The following MSI1 variants were observed in gnomAD, a reference collection of about 807,000 sequenced individuals.
The protein encoded by MSI1 is RNA-binding protein Musashi homolog 1.
A neutral mutation model predicts 54.4 loss-of-function variants in MSI1; 15 were observed. The ratio of observed to expected loss-of-function variants is 0.28; its 90% CI spans 0.18 to 0.42. The LOEUF (loss-of-function observed/expected upper bound fraction) is 0.42, where lower values mean the gene tolerates loss of function less well. Among genes scored for constraint, MSI1 ranks in the 20% least tolerant of loss-of-function variants. MSI1 has a pLI of 1.00. For missense variants in MSI1, 304 were observed against 506.0 expected, an observed-to-expected ratio of 0.60 and a Z score of 3.83; for synonymous variants, 200 against 196.5, an observed-to-expected ratio of 1.02 and a Z score of -0.15.
chr12:120,359,728 A>C (rs1847580506), intron 6 of MSI1, among the ~76,000 whole-genome samples: 2 of 151,984 alleles, frequency 1.3e-5, no homozygotes, highest in South Asian at 4.1e-4. Flanking sequence ...ACGGTCACCA[A>C]AGGCCTTGGT....
intron 6 of MSI1, among the ~76,000 whole-genome samples, chr12:120,360,680 G>A (rs1483284303): frequency 6.6e-6 from 1 of 152,180 alleles, no homozygotes; most frequent in Non-Finnish European, 1.5e-5. Flanking sequence ...GGGTAGGACG[G>A]GCCTGAGCTG....
Position 120,342,885 on chromosome 12 carries a change from G to T in MSI1, c.*242C>A, listed in dbSNP as rs1873796442. Reference sequence around the variant, plus strand: ...TCCAAAATAAATAAAAGCAGGGCCGGGAGAGGGGCGGGTGGGGATGGGGGC... The same window carrying T: ...TCCAAAATAAATAAAAGCAGGGCCGTGAGAGGGGCGGGTGGGGATGGGGGC... On this transcript the variant is annotated 3_prime_UTR_variant, in exon 15 of 15. Coordinates refer to ENST00000257552, the MANE Select transcript of MSI1 (RefSeq NM_002442.4). 6.7e-6 allele frequency: 1 copy of T among 149,984 alleles called. No individual in the cohort carries two copies. Among genetic ancestry groups the T allele is most frequent in the Non-Finnish European group, 1.5e-5 (1 of 67,496 alleles). 9.3% of individuals were successfully genotyped at this position (149,984 alleles called of 1,614,324 possible). A position where few individuals can be genotyped will look rare whatever the true frequency, so the allele number is the denominator to read the frequency against.
chr12:120,346,002 G>T lies in MSI1; in HGVS notation c.1047+133C>A, dbSNP rs143993185. ...TGATAACCCCCACAACTCTTCCTTA[G>T]TGATCTTTCTCCATTCATCCTCCCT... On this transcript the variant is annotated intron_variant, in intron 13 of 14. Transcript: ENST00000257552. 8.2e-5 allele frequency: 68 copies of T among 830,450 alleles called. No homozygotes were observed. In the East Asian group the frequency reaches 1.8e-3, roughly 22 times the overall value. The allele number at this position is 830,450 out of a possible 1,614,324, so 51.4% of individuals were successfully genotyped here.
Position 120,346,306 on chromosome 12 carries a change from C to T in MSI1, c.876G>A (p.Thr292=), listed in dbSNP as rs756975620. The stretch of plus-strand genomic sequence containing the variant: ...GAGTCGAACCTGGAGGGGGAGCCAT[C>T]GTCCAGGGGTGAGAGCCTGGCAACC... ...VVRGTGSHPW[T]MAPPPGSTPS... The change falls in exon 13 of 15, where the codon ACG becomes ACA. Residue 292 remains threonine (T), a synonymous_variant. Coordinates refer to ENST00000257552, the MANE Select transcript of MSI1 (RefSeq NM_002442.4). The T allele has an allele frequency of 5.8e-6, 9 of 1,559,824 alleles. No homozygotes were observed. Among genetic ancestry groups the T allele is most frequent in the Admixed American group, 2.0e-5 (1 of 50,358 alleles).
At chr12:120,352,012 T>A (rs1404919090) in intron 10 of MSI1, among the ~76,000 whole-genome samples, 1 of 109,138 alleles carries the variant, frequency 9.2e-6, no homozygotes, top group Non-Finnish European at 1.9e-5. Context: ...CTGGCCCTTT[T>A]TATTTAAAAA....
At position 120,359,790 on chromosome 12, in the gene MSI1, G is replaced by C. The variant is rs1565891422; in HGVS notation, c.403-737C>G. 2.0e-5 allele frequency among the ~76,000 whole-genome samples: 3 copies of C among 152,014 alleles called. No homozygotes were observed. In the East Asian group the frequency reaches 5.8e-4, roughly 29 times the overall value. ...TGCCTCCTCCTTGCCCTCTTTCTTA[G>C]TTAAGGTCTGAGTCACCTTTGGTAT... On this transcript the variant is annotated intron_variant, in intron 6 of 14. Transcript: ENST00000257552.
At chr12:120,345,033 ATAG>A (rs1487348371) in intron 14 of MSI1, among the ~76,000 whole-genome samples, 4 of 151,506 alleles carry the variant, frequency 2.6e-5, no homozygotes, top group Non-Finnish European at 4.4e-5. Context: ...AAATAAAATA[ATAG>A]TAATAATAAT....
In MSI1 at chr12:120,368,817, TC is replaced by T; in HGVS notation, c.100+15del. The stretch of plus-strand genomic sequence containing the variant: ...GGTGCCCTGCCGGACCGGCGGGCGC[TC>T]CCGGGCTCGCTCACCCTGCGTAGTC... On this transcript the variant is annotated intron_variant, in intron 2 of 14. Transcript: ENST00000257552. This position sits in a 1 kb window ranked among gnomAD's most constrained non-coding sequence, Gnocchi z 6.6. 4 of 1,410,892 alleles carry T rather than the reference TC, an allele frequency of 2.8e-6. No homozygotes were observed. The highest frequency in any genetic ancestry group is 2.8e-6 in the Non-Finnish European group (3 of 1,068,462). 87.4% of individuals were successfully genotyped at this position (1,410,892 alleles called of 1,614,324 possible). A position where few individuals can be genotyped will look rare whatever the true frequency, so the allele number is the denominator to read the frequency against.
At chr12:120,351,540 G>T in intron 10 of MSI1, 140 bp from the exon 11 acceptor site, 1 of 695,734 alleles carries the variant, frequency 1.4e-6, no homozygotes, top group Non-Finnish European at 2.4e-6. Context: ...GAGGGGGAGA[G>T]CACAGTTCCC....
chr12:120,359,414 G>A (rs145627777), intron 6 of MSI1, among the ~76,000 whole-genome samples: 169 of 152,258 alleles, frequency 1.1e-3, no homozygotes, highest in Middle Eastern at 0.01. Flanking sequence ...GCTAGAGAAG[G>A]AAATATGGGA....
chr12:120,364,455 A>G (rs563983947), intron 5 of MSI1, among the ~76,000 whole-genome samples: 2 of 152,164 alleles, frequency 1.3e-5, no homozygotes, highest in Admixed American at 1.3e-4. Context: ...AGGACGATGA[A>G]TCCTCTGAGT....
chr12:120,359,093 G>A, intron 6 of MSI1, 40 bp from the exon 7 acceptor site: 2 of 1,551,668 alleles, frequency 1.3e-6, no homozygotes, highest in South Asian at 1.2e-5. Context: ...GCAGATACCA[G>A]CGGAACCCAC....
chr12:120,365,030 C>A (rs1875927762), intron 4 of MSI1, among the ~76,000 whole-genome samples: 1 of 152,212 alleles, frequency 6.6e-6, no homozygotes, highest in Non-Finnish European at 1.5e-5. Flanking sequence ...CCTGCCTCAG[C>A]CTCCCTAGTA....
At chr12:120,345,524 G>C in intron 14 of MSI1, 46 bp downstream of exon 14, 1 of 1,575,520 alleles carries the variant, frequency 6.3e-7, no homozygotes, top group Non-Finnish European at 8.7e-7. Flanking sequence ...CCCAGGACAG[G>C]CTTCCCCAGT....
At chr12:120,344,851 A>G (rs536151720) in intron 14 of MSI1, among the ~76,000 whole-genome samples, 127 of 151,598 alleles carry the variant, frequency 8.4e-4, no homozygotes, top group African/African-American at 3.0e-3. Context: ...TGCTAAAAAC[A>G]AAAAAAATAC....
At chr12:120,340,571 G>A (rs1010975358), downstream of MSI1, among the ~76,000 whole-genome samples, 2 of 152,042 alleles carry the variant, frequency 1.3e-5, no homozygotes, top group African/African-American at 4.8e-5. Context: ...CTGGAATGCA[G>A]TGTCAAGAAC....
At chr12:120,367,929 C>T in intron 4 of MSI1, 79 bp downstream of exon 4, 1 of 1,407,514 alleles carries the variant, frequency 7.1e-7, no homozygotes, top group African/African-American at 1.4e-5. Context: ...GTCCAGCTGT[C>T]CCCTGGGGAG....
At chr12:120,344,554 A>T (rs1024447944) in intron 14 of MSI1, among the ~76,000 whole-genome samples, 1 of 152,006 alleles carries the variant, frequency 6.6e-6, no homozygotes, top group Non-Finnish European at 1.5e-5. Flanking sequence ...AAAATTTTTT[A>T]AAAACTTAGC....
chr12:120,352,473 C>T (rs1209794835), intron 10 of MSI1, among the ~76,000 whole-genome samples: 1 of 152,038 alleles, frequency 6.6e-6, no homozygotes, highest in Non-Finnish European at 1.5e-5. Context: ...CCCAGCTCTG[C>T]CACTTCCTAG....
Sources: gnomAD v4.1 joint callset for allele counts (sites outside exome capture counted in the v4.1 genomes callset) on GRCh38, gnomAD v4.1.1 for gene constraint, Gnocchi (gnomAD v3.1) non-coding constraint, MANE v1.5 for transcripts, NCBI Gene and HGNC (gene_info 2026-07-23, HGNC 2026-07-21) for gene names.